Variants in RBM26 observed in about 807,000 individuals in gnomAD.
The protein encoded by RBM26 is RNA-binding protein 26.
In RBM26, 30 loss-of-function variants were observed where a neutral mutation model predicts 123.6. The ratio of observed to expected loss-of-function variants is 0.24; its 90% CI spans 0.18 to 0.33. The LOEUF is 0.33. Among genes scored for constraint, RBM26 ranks in the 10% least tolerant of loss-of-function variants. RBM26 has a pLI of 1.00. For synonymous variants in RBM26, 400 were observed against 404.4 expected (o/e 0.99, Z 0.13); for missense variants, 947 against 1,203.6 (o/e 0.79, Z 3.15).
intron 1 of RBM26, among the ~76,000 whole-genome samples, chr13:79,385,390 T>C (rs746920289): frequency 2.6e-5 from 4 of 152,214 alleles, no homozygotes; most frequent in Non-Finnish European, 5.9e-5. Flanking sequence ...TATCTAAATA[T>C]GATCCATCCT....
intron 6 of RBM26, among the ~76,000 whole-genome samples, chr13:79,368,382 T>C (rs1006007953): frequency 4.6e-5 from 7 of 152,218 alleles, no homozygotes; most frequent in African/African-American, 1.7e-4. Flanking sequence ...CATTTCTAGA[T>C]ACATTTCTAT....
chr13:79,320,008 A>T lies in RBM26; in HGVS notation c.*613T>A, dbSNP rs1275766504. The T allele has an allele frequency of 8.5e-4, 395 of 466,492 alleles. No homozygotes were observed. Among genetic ancestry groups the T allele is most frequent in the East Asian group, 9.7e-4 (2 of 2,066 alleles). The allele number at this position is 466,492 out of a possible 1,614,324, so 28.9% of individuals were successfully genotyped here. A position where few individuals can be genotyped will look rare whatever the true frequency, so the allele number is the denominator to read the frequency against. Reference sequence around the variant, plus strand: ...CTCTTTTCTTTCCTTTTTTTTTTTTAAAGAGACCATTCCACTTTATTATAA... The same window carrying T: ...CTCTTTTCTTTCCTTTTTTTTTTTTTAAGAGACCATTCCACTTTATTATAA... On this transcript the variant is annotated 3_prime_UTR_variant, in exon 22 of 22. Transcript: ENST00000438737.
In RBM26 at chr13:79,319,726, T is replaced by C. The variant is rs1366210621; in HGVS notation, c.*895A>G. On this transcript the variant is annotated 3_prime_UTR_variant, in exon 22 of 22. Coordinates refer to ENST00000438737, the MANE Select transcript of RBM26 (RefSeq NM_001366735.2). ...AATTTTAAGACATTTGTTGAAAATT[T>C]ATAGGATCAAACCAAACTCAAGTGG... 5 of 983,694 alleles carry C rather than the reference T, an allele frequency of 5.1e-6. No individual in the cohort carries two copies. The highest frequency in any genetic ancestry group is 6.0e-6 in the Non-Finnish European group (5 of 828,758). The allele number at this position is 983,694 out of a possible 1,614,324, so 60.9% of individuals were successfully genotyped here.
At chr13:79,353,053 A>T in intron 14 of RBM26, 100 bp downstream of exon 14, 1 of 610,376 alleles carries the variant, frequency 1.6e-6, no homozygotes, top group South Asian at 2.5e-5. Flanking sequence ...GATACTATTA[A>T]GAAGCAAGAG....
At chr13:79,344,448 T>G in intron 15 of RBM26, 126 bp from the exon 16 acceptor site, 1 of 864,992 alleles carries the variant, frequency 1.2e-6, no homozygotes, top group Non-Finnish European at 1.8e-6. Context: ...CTTTTCTATG[T>G]AAAACTTAAA....
Position 79,342,709 on chromosome 13 carries a change from A to T in RBM26, c.2382T>A (p.Ala794=), listed in dbSNP as rs778334860. The T allele has an allele frequency of 9.3e-6, 15 of 1,611,538 alleles. No individual in the cohort carries two copies. Among genetic ancestry groups the T allele is most frequent in the Non-Finnish European group, 1.3e-5 (15 of 1,178,502 alleles). ...TTTTTGGAAGACAGCGTCCAGGAGA[A>T]GCAGCTTTGACCTCATCTTTCAACT... The part of the protein sequence containing the change: ...ITKLKDEVKA[A]SPGRCLPKSI... Residue 794 remains alanine (A), a synonymous_variant, in exon 17 of 22, where the codon GCT becomes GCA. Coordinates refer to ENST00000438737, the MANE Select transcript of RBM26 (RefSeq NM_001366735.2).
intron 1 of RBM26, among the ~76,000 whole-genome samples, chr13:79,381,291 G>A (rs1206062394): frequency 9.9e-5 from 15 of 152,056 alleles, no homozygotes; most frequent in South Asian, 4.1e-4. Flanking sequence ...CTCTTACAAC[G>A]AGGTGCCAGA....
intron 1 of RBM26, among the ~76,000 whole-genome samples, chr13:79,382,527 A>C (rs2077143340): frequency 6.6e-6 from 1 of 152,180 alleles, no homozygotes; most frequent in South Asian, 2.1e-4. Flanking sequence ...AAGTGCTCCA[A>C]CTGCAATTAC....
intron 3 of RBM26, among the ~76,000 whole-genome samples, chr13:79,372,204 G>C (rs1388600909): frequency 6.6e-6 from 1 of 152,134 alleles, no homozygotes; most frequent in Non-Finnish European, 1.5e-5. Flanking sequence ...GCTTGAACCT[G>C]GCAGGCAGAG....
chr13:79,389,269 A>G (rs2077737039), intron 1 of RBM26, among the ~76,000 whole-genome samples: 1 of 152,196 alleles, frequency 6.6e-6, no homozygotes, highest in Non-Finnish European at 1.5e-5. Flanking sequence ...GAAGTACTAG[A>G]TTTAAACCAA....
intron 18 of RBM26, among the ~76,000 whole-genome samples, chr13:79,338,484 A>C (rs2070837936): frequency 6.6e-6 from 1 of 152,188 alleles, no homozygotes; most frequent in Admixed American, 6.5e-5. Context: ...GCATGAAAAA[A>C]GGCACCAACG....
chr13:79,341,342 G>A lies in RBM26; in HGVS notation c.2428-115C>T, dbSNP rs560340009. ...TTTAATCCATATATTTCTATCTCCA[G>A]TATAATCACTCTAATCCAAGCCAAA... On this transcript the variant is annotated intron_variant, in intron 17 of 21. Coordinates refer to ENST00000438737, the MANE Select transcript of RBM26 (RefSeq NM_001366735.2). 8 of 604,086 alleles carry A rather than the reference G, an allele frequency of 1.3e-5. No homozygotes were observed. The South Asian group carries it at 1.6e-4, about 12-fold the overall frequency. 37.4% of individuals were successfully genotyped at this position (604,086 alleles called of 1,614,324 possible).
chr13:79,371,786 T>G, intron 4 of RBM26, 56 bp downstream of exon 4: 1 of 1,229,984 alleles, frequency 8.1e-7, no homozygotes. Context: ...GTCTAAACAT[T>G]TGTATAAAAG....
At chr13:79,335,051 C>T (rs924018154) in intron 19 of RBM26, among the ~76,000 whole-genome samples, 8 of 151,876 alleles carry the variant, frequency 5.3e-5, no homozygotes, top group African/African-American at 1.7e-4. Context: ...ATTTTTTTCC[C>T]TCATGTGTGG....
At chr13:79,371,808 C>A (rs772073188) in intron 4 of RBM26, 34 bp downstream of exon 4, 5 of 1,398,544 alleles carry the variant, frequency 3.6e-6, no homozygotes, top group East Asian at 2.3e-5. Flanking sequence ...TAACTTACAT[C>A]GAAACACTGA....
chr13:79,371,834 CT>C lies in RBM26; in HGVS notation c.416+7del. On this transcript the variant is annotated splice_region_variant and intron_variant, in intron 4 of 21. Coordinates refer to ENST00000438737, the MANE Select transcript of RBM26 (RefSeq NM_001366735.2). ...GAAACACTGAGTATGGTTCAATGAA[CT>C]GCTCACCTATTTTCCCTGTATCGGG... The C allele has an allele frequency of 7.0e-6, 11 of 1,574,258 alleles. No homozygotes were observed. The highest frequency in any genetic ancestry group is 4.5e-5 in the East Asian group (2 of 44,666).
chr13:79,372,321 C>A (rs1252313469), intron 3 of RBM26, among the ~76,000 whole-genome samples: 1 of 152,096 alleles, frequency 6.6e-6, no homozygotes, highest in Non-Finnish European at 1.5e-5. Context: ...AGACACATTA[C>A]TGCTTTAATG....
At chr13:79,375,129 T>A (rs370331593) in intron 3 of RBM26, among the ~76,000 whole-genome samples, 2 of 4,266 alleles carry the variant, frequency 4.7e-4, no homozygotes, top group South Asian at 6.5e-3. Context: ...ATTTATATTT[T>A]AAAAATAAAT....
chr13:79,349,096 ACTGT>A (rs572859805), intron 14 of RBM26, among the ~76,000 whole-genome samples: 8 of 152,188 alleles, frequency 5.3e-5, no homozygotes, highest in Non-Finnish European at 1.2e-4. Context: ...TAAGTTGATG[ACTGT>A]CTGTGTATTT....
Sources: allele counts gnomAD v4.1 joint callset (sites outside exome capture counted in the v4.1 genomes callset), GRCh38; gene constraint gnomAD v4.1.1; transcripts MANE v1.5; gene names NCBI Gene and HGNC (gene_info 2026-07-23, HGNC 2026-07-21).